Variants in RBM28 observed in about 807,000 individuals in gnomAD.
RBM28 encodes the protein RNA binding motif protein 28.
In RBM28, 78 loss-of-function variants were observed where a neutral mutation model predicts 98.3. The ratio of observed to expected loss-of-function variants is 0.79; its 90% confidence interval spans 0.66 to 0.96. RBM28 has a LOEUF of 0.96. Among genes scored for constraint, RBM28 ranks in the 40% least tolerant of loss-of-function variants. The pLI is 0.00. For missense variants in RBM28, 838 were observed against 913.0 expected (o/e 0.92, Z 1.06); for synonymous variants, 306 against 330.9 (o/e 0.92, Z 0.82).
At chr7:128,337,555 A>G (rs1463526101) in intron 5 of RBM28, among the ~76,000 whole-genome samples, 1 of 106,716 alleles carries the variant, frequency 9.4e-6, no homozygotes. Flanking sequence ...CTCTACGGCA[A>G]TAACTTCTTT....
rs1235596978 is a variant in RBM28, at chr7:128,307,319, G to C, written c.*3478C>G. ...TGTGTGCGTCAGCAGGGGAGCTTAA[G>C]ACTGCAGATTCTGGGGAATCAGCAC... On this transcript the variant is annotated 3_prime_UTR_variant, in exon 19 of 19. Coordinates refer to ENST00000223073, the MANE Select transcript of RBM28 (RefSeq NM_018077.3). 6.6e-6 allele frequency: 1 copy of C among 152,176 alleles called. No homozygotes were observed. Among genetic ancestry groups the C allele is most frequent in the African/African-American group, 2.4e-5 (1 of 41,408 alleles). The allele number at this position is 152,176 out of a possible 1,614,324, so 9.4% of individuals were successfully genotyped here.
chr7:128,336,077 T>G (rs1157448675), intron 6 of RBM28, 35 bp from the exon 7 acceptor site: 1 of 1,556,692 alleles, frequency 6.4e-7, no homozygotes, highest in African/African-American at 1.4e-5. Flanking sequence ...GGAATTCATT[T>G]AATATCCAAA....
At position 128,310,743 on chromosome 7, in the gene RBM28, G is replaced by A. The variant is rs1795962929; in HGVS notation, c.*54C>T. The A allele has an allele frequency of 1.2e-6, 2 of 1,606,950 alleles. No individual in the cohort carries two copies. Among genetic ancestry groups the A allele is most frequent in the Non-Finnish European group, 8.5e-7 (1 of 1,176,466 alleles). On this transcript the variant is annotated 3_prime_UTR_variant, in exon 19 of 19. Coordinates refer to ENST00000223073, the MANE Select transcript of RBM28 (RefSeq NM_018077.3). ...GACACGGGGGATGGGGAGGAGCCCA[G>A]GAGTGTCACCAGAAAGTACACAACC...
At chr7:128,342,262 G>A (rs189234611) in intron 1 of RBM28, among the ~76,000 whole-genome samples, 7 of 152,078 alleles carry the variant, frequency 4.6e-5, no homozygotes, top group Admixed American at 2.6e-4. Context: ...CAGGACTTTC[G>A]GTCCCTATTT....
chr7:128,315,539 T>A (rs1796089017), intron 16 of RBM28, among the ~76,000 whole-genome samples: 1 of 151,690 alleles, frequency 6.6e-6, no homozygotes, highest in African/African-American at 2.4e-5. Context: ...AGGGGAAAAA[T>A]TTTACCTATA....
chr7:128,331,142 A>G (rs1796471763), intron 9 of RBM28, among the ~76,000 whole-genome samples: 1 of 152,226 alleles, frequency 6.6e-6, no homozygotes, highest in Non-Finnish European at 1.5e-5. Flanking sequence ...AAACAGACAC[A>G]TACAAAGACC....
At chr7:128,317,604 G>A in intron 16 of RBM28, 55 bp downstream of exon 16, 1 of 1,355,520 alleles carries the variant, frequency 7.4e-7, no homozygotes, top group South Asian at 1.2e-5. Context: ...AGCACAAATT[G>A]AACAAAATAG....
rs1267670100 is a variant in RBM28, at chr7:128,298,408, ACTATTT to A, written c.*12383_*12388del. ...CAGCTGTTAAAATTCCTCTCTTTGT[ACTATTT>A]CTCTTTATTTCTCAGTCGGCCGACA... On this transcript the variant is annotated 3_prime_UTR_variant, in exon 19 of 19. Coordinates refer to ENST00000223073, the MANE Select transcript of RBM28 (RefSeq NM_018077.3). The A allele has an allele frequency of 2.0e-5, 3 of 151,898 alleles. No individual in the cohort carries two copies. The highest frequency in any genetic ancestry group is 1.3e-4 in the Admixed American group (2 of 15,236). The allele number at this position is 151,898 out of a possible 1,614,324, so 9.4% of individuals were successfully genotyped here.
chr7:128,326,496 T>A (rs1005037556), intron 10 of RBM28, among the ~76,000 whole-genome samples: 2 of 152,188 alleles, frequency 1.3e-5, no homozygotes, highest in Non-Finnish European at 2.9e-5. Flanking sequence ...ACACATATAC[T>A]TACCATTATG....
rs78195887 is a variant in RBM28, at chr7:128,323,315, T to G, written c.1404+212A>C. Among the ~76,000 whole-genome samples, 1,035 of 152,296 alleles carry G rather than the reference T, an allele frequency of 6.8e-3. 9 individuals carry two copies. The highest frequency in any genetic ancestry group is 0.024 in the African/African-American group (986 of 41,560). ...TAGGGAAACAAATAATAAGACACAG[T>G]TCTTTTATACCAGCATACAAAACAG... On this transcript the variant is annotated intron_variant, in intron 13 of 18. Coordinates refer to ENST00000223073, the MANE Select transcript of RBM28 (RefSeq NM_018077.3).
chr7:128,339,563 C>A, intron 2 of RBM28, 70 bp downstream of exon 2: 1 of 1,540,080 alleles, frequency 6.5e-7, no homozygotes, highest in Non-Finnish European at 9.0e-7. Context: ...CTCCATGCCT[C>A]CCTCTTTCAT....
chr7:128,317,551 C>CA lies in RBM28; in HGVS notation c.1788+107dup, dbSNP rs1024084901. On this transcript the variant is annotated intron_variant, in intron 16 of 18. Coordinates refer to ENST00000223073, the MANE Select transcript of RBM28 (RefSeq NM_018077.3). ...AACTGGGAGTAAAGGGAACTAGGAGCAAAAAAACCTAACTGAGGGGAGAAC... is the reference window on the plus strand; with the variant it reads ...AACTGGGAGTAAAGGGAACTAGGAGCAAAAAAAACCTAACTGAGGGGAGAAC... 1.1e-5 allele frequency: 10 copies of CA among 876,534 alleles called. No individual in the cohort carries two copies. The African/African-American group carries it at 1.3e-4, about 12-fold the overall frequency. 54.3% of individuals were successfully genotyped at this position (876,534 alleles called of 1,614,324 possible).
At chr7:128,321,941 G>A (rs553919141) in intron 13 of RBM28, among the ~76,000 whole-genome samples, 2 of 151,992 alleles carry the variant, frequency 1.3e-5, no homozygotes, top group African/African-American at 2.4e-5. Flanking sequence ...CCAGCTACTC[G>A]GGAGGCTGAA....
At chr7:128,330,674 C>T in intron 10 of RBM28, 145 bp downstream of exon 10, 1 of 716,314 alleles carries the variant, frequency 1.4e-6, no homozygotes, top group African/African-American at 1.7e-5. Flanking sequence ...GCCCGGCGTC[C>T]CTGGTACTTT....
intron 13 of RBM28, among the ~76,000 whole-genome samples, chr7:128,323,068 A>T (rs547365091): frequency 3.5e-4 from 53 of 152,278 alleles, no homozygotes; most frequent in Middle Eastern, 3.4e-3. Flanking sequence ...AGTTTTTCTA[A>T]AATGATTTTA....
chr7:128,338,670 T>C, intron 4 of RBM28, 56 bp downstream of exon 4: 1 of 1,254,086 alleles, frequency 8.0e-7, no homozygotes, highest in East Asian at 2.3e-5. Flanking sequence ...TATATGTTTG[T>C]TCAAGGGTAA....
rs1340738707 is a variant in RBM28, at chr7:128,304,442, A to G, written c.*6355T>C. The G allele has an allele frequency of 6.6e-6, 1 of 152,262 alleles. No individual in the cohort carries two copies. The highest frequency in any genetic ancestry group is 2.4e-5 in the African/African-American group (1 of 41,462). 9.4% of individuals were successfully genotyped at this position (152,262 alleles called of 1,614,324 possible). A position where few individuals can be genotyped will look rare whatever the true frequency, so the allele number is the denominator to read the frequency against. On this transcript the variant is annotated 3_prime_UTR_variant, in exon 19 of 19. Transcript: ENST00000223073. ...TCACCCTTCTGACAGAAAATGCCAG[A>G]AAGTTTCCACCCCATTGACAGGCTT... is the stretch of plus-strand genomic sequence containing the variant.
At chr7:128,324,796 C>T in intron 11 of RBM28, 102 bp from the exon 12 acceptor site, 4 of 1,521,744 alleles carry the variant, frequency 2.6e-6, no homozygotes, top group Non-Finnish European at 2.7e-6. Context: ...GGTGGATCAC[C>T]TGAGGTCAGG....
At position 128,329,291 on chromosome 7, in the gene RBM28, G is replaced by A. The variant is rs549703814; in HGVS notation, c.1129+1528C>T. On this transcript the variant is annotated intron_variant, in intron 10 of 18. Transcript: ENST00000223073. ...ATTTTGTATTTTTAGTAGAGATGGG[G>A]TTTCTCCATATTGGTCAGGCTGCTC... 4.6e-5 allele frequency among the ~76,000 whole-genome samples: 7 copies of A among 152,022 alleles called. No homozygotes were observed. In the East Asian group the frequency reaches 1.4e-3, roughly 29 times the overall value.
Sources: gnomAD v4.1 joint callset for allele counts (sites outside exome capture counted in the v4.1 genomes callset) on GRCh38, gnomAD v4.1.1 for gene constraint, MANE v1.5 for transcripts, NCBI Gene and HGNC (gene_info 2026-07-23, HGNC 2026-07-21) for gene names.